The following CHLSN variants were observed in gnomAD, a reference collection of about 807,000 sequenced individuals.
The protein encoded by CHLSN is protein cholesin.
At chr7:1,048,445 C>A in the CHLSN span, among the ~76,000 whole-genome samples, 1 of 152,142 alleles carries the variant, frequency 6.6e-6, no homozygotes, top group South Asian at 2.1e-4. Context: ...CTCTCACACA[C>A]ACATACAGGG....
the CHLSN span, among the ~76,000 whole-genome samples, chr7:995,165 C>G: frequency 6.6e-6 from 1 of 152,240 alleles, no homozygotes; most frequent in South Asian, 2.1e-4. Flanking sequence ...GTGGCTGGCC[C>G]CTGGGGTTGC....
At chr7:1,133,392 C>CAAAAAAAA in the CHLSN span, among the ~76,000 whole-genome samples, 121 of 91,090 alleles carry the variant, frequency 1.3e-3, 2 homozygotes, top group African/African-American at 4.7e-3. Context: ...CGATATACTG[C>CAAAAAAAA]AAAAAAAAAA....
At chr7:1,097,549 G>A in the CHLSN span, among the ~76,000 whole-genome samples, 8 of 152,224 alleles carry the variant, frequency 5.3e-5, no homozygotes, top group African/African-American at 1.4e-4. The surrounding 1 kb of genome is among the most constrained non-coding windows in gnomAD (Gnocchi z 4.3). Context: ...AGTGCTGGCT[G>A]GTAAAGTAGT....
At chr7:1,094,746 C>T in the CHLSN span, among the ~76,000 whole-genome samples, 2 of 152,190 alleles carry the variant, frequency 1.3e-5, no homozygotes, top group African/African-American at 2.4e-5. Context: ...CCTCTCTCCT[C>T]CCGTCTGTGG....
chr7:982,607 G>T, the CHLSN span, among the ~76,000 whole-genome samples: 4 of 152,382 alleles, frequency 2.6e-5, no homozygotes, highest in East Asian at 5.8e-4. Context: ...CCTGGGGCGA[G>T]AACACCCTCA....
chr7:987,029 G>C, the CHLSN span: 1 of 1,425,630 alleles, frequency 7.0e-7, no homozygotes, highest in South Asian at 1.5e-5. Context: ...CCATAGTGGA[G>C]CCCAGGGCTG....
the CHLSN span, among the ~76,000 whole-genome samples, chr7:1,070,857 T>C: frequency 0.55 from 78,996 of 144,826 alleles, 21,030 homozygotes; most frequent in African/African-American, 0.65. Context: ...CACACGGACA[T>C]GCACACGGGT....
chr7:1,119,596 C>G, the CHLSN span, among the ~76,000 whole-genome samples: 1 of 152,214 alleles, frequency 6.6e-6, no homozygotes, highest in Admixed American at 6.5e-5. Flanking sequence ...CAACTCTTGG[C>G]TGGGCGCAGT....
chr7:1,033,750 G>A, the CHLSN span, among the ~76,000 whole-genome samples: 7 of 152,232 alleles, frequency 4.6e-5, no homozygotes, highest in South Asian at 6.2e-4. Flanking sequence ...AATCGGTAAC[G>A]GGGGTGCCTC....
chr7:1,028,875 C>T, the CHLSN span: 4 of 812,270 alleles, frequency 4.9e-6, no homozygotes, highest in Non-Finnish European at 5.9e-6. Context: ...CCAATCTGCC[C>T]CATCTCTCCC....
chr7:1,112,266 A>G, the CHLSN span, among the ~76,000 whole-genome samples: 1 of 152,198 alleles, frequency 6.6e-6, no homozygotes, highest in Admixed American at 6.5e-5. Context: ...AAGGCCGGCG[A>G]GCCTCCAGTT....
the CHLSN span, chr7:988,953 C>G: frequency 1.6e-6 from 1 of 624,024 alleles, no homozygotes; most frequent in Non-Finnish European, 2.8e-6. Context: ...TCACCCCCAC[C>G]CCCACAGGGT....
the CHLSN span, among the ~76,000 whole-genome samples, chr7:1,104,285 A>G: frequency 1.3e-5 from 2 of 152,260 alleles, no homozygotes; most frequent in African/African-American, 4.8e-5. Context: ...CCATGCATGC[A>G]GTGGCCCGGG....
chr7:1,013,193 G>A, the CHLSN span, among the ~76,000 whole-genome samples: 1 of 152,222 alleles, frequency 6.6e-6, no homozygotes, highest in East Asian at 1.9e-4. Context: ...CAGACGAGCA[G>A]CGGAGAACTT....
At chr7:1,092,738 T>C in the CHLSN span, 1 of 1,613,640 alleles carries the variant, frequency 6.2e-7, no homozygotes, top group Non-Finnish European at 8.5e-7. Flanking sequence ...AAGCTGAGGC[T>C]GTACATTGAG....
chr7:1,066,239 C>T, the CHLSN span, among the ~76,000 whole-genome samples: 3 of 151,568 alleles, frequency 2.0e-5, no homozygotes, highest in Admixed American at 1.3e-4. Context: ...AGAAGGGGAC[C>T]GGAATGGGAA....
At chr7:1,092,718 C>T in the CHLSN span, 11 of 1,613,450 alleles carry the variant, frequency 6.8e-6, no homozygotes, top group Non-Finnish European at 7.6e-6. Context: ...TCGGGGAGAC[C>T]TTCAGGGACA....
the CHLSN span, among the ~76,000 whole-genome samples, chr7:1,089,467 C>T: frequency 1.0e-4 from 2 of 19,530 alleles, no homozygotes; most frequent in East Asian, 5.4e-4. Flanking sequence ...GGCTGAGGCT[C>T]GAGTGCAGTG....
chr7:988,430 TC>T, the CHLSN span: 1 of 1,612,176 alleles, frequency 6.2e-7, no homozygotes, highest in African/African-American at 1.3e-5. Flanking sequence ...TCAGCAGCCC[TC>T]GGGGCCGGGG....
Sources: allele counts gnomAD v4.1 joint callset (sites outside exome capture counted in the v4.1 genomes callset), GRCh38; gene constraint gnomAD v4.1.1; non-coding constraint Gnocchi (gnomAD v3.1); transcripts MANE v1.5; gene names NCBI Gene and HGNC (gene_info 2026-07-23, HGNC 2026-07-21).